CYREN: variants seen among roughly 807,000 people sequenced by gnomAD.
CYREN encodes the protein cell cycle regulator of non-homologous end joining.
In CYREN, 7 loss-of-function variants were observed where a neutral mutation model predicts 9.7. The observed-to-expected ratio is 0.72, with a 90% confidence interval of 0.41 to 1.36. The LOEUF is 1.36. CYREN is among the 40% of genes most tolerant of loss of function. The pLI, the probability that CYREN is intolerant of heterozygous loss-of-function variation, is 0.01. For synonymous variants in CYREN, 76 were observed against 77.9 expected, an observed-to-expected ratio of 0.98 and a Z score of 0.13; for missense variants, 215 against 198.1, an observed-to-expected ratio of 1.09 and a Z score of -0.51.
intron 2 of CYREN, chr7:135,168,092 A>T: frequency 2.2e-6 from 1 of 463,144 alleles, no homozygotes; most frequent in Non-Finnish European, 3.9e-6. Context: ...TGAAACACAC[A>T]CATGGATGCA....
At chr7:135,167,443 T>C in intron 3 of CYREN, 2 of 1,256,062 alleles carry the variant, frequency 1.6e-6, no homozygotes, top group Non-Finnish European at 2.0e-6. Flanking sequence ...ACGCTTCATG[T>C]CCCATCCACA....
At chr7:135,148,181 A>G (rs1314541165) in intron 2 of CYREN, 1 of 432,052 alleles carries the variant, frequency 2.3e-6, no homozygotes, top group South Asian at 1.6e-5. Context: ...GACATTAGAA[A>G]GCCAGCGAGA....
downstream of CYREN, chr7:135,092,342 C>T (rs1446202231): frequency 6.6e-6 from 1 of 152,152 alleles, no homozygotes; most frequent in Non-Finnish European, 1.5e-5. Context: ...AATATAGCTA[C>T]ATAAAATTTT....
intron 2 of CYREN, among the ~76,000 whole-genome samples, chr7:135,147,134 G>C (rs1471970539): frequency 6.6e-6 from 1 of 152,042 alleles, no homozygotes; most frequent in African/African-American, 2.4e-5. Flanking sequence ...CCAGTCCCCA[G>C]AGCAACCATG....
chr7:135,133,597 C>A (rs1268764427), intron 2 of CYREN, among the ~76,000 whole-genome samples: 1 of 152,080 alleles, frequency 6.6e-6, no homozygotes, highest in Admixed American at 6.6e-5. Flanking sequence ...GGAACTGAGG[C>A]AAAAACCAAG....
At chr7:135,114,517 TC>T (rs11300885) in intron 2 of CYREN, among the ~76,000 whole-genome samples, 144,930 of 152,186 alleles carry the variant, frequency 0.95, 69,350 homozygotes, top group Non-Finnish European at 1. Context: ...CTTCCCAGTC[TC>T]CCCCATGTCC....
At chr7:135,122,319 T>C (rs916604642) in intron 2 of CYREN, among the ~76,000 whole-genome samples, 3 of 152,134 alleles carry the variant, frequency 2.0e-5, no homozygotes, top group Admixed American at 1.3e-4. Context: ...TCCTTCCTCA[T>C]TGGGTGGGGC....
intron 2 of CYREN, among the ~76,000 whole-genome samples, chr7:135,130,269 GC>G (rs1358517867): frequency 1.3e-5 from 2 of 152,158 alleles, no homozygotes; most frequent in Non-Finnish European, 2.9e-5. Context: ...ATTTTGACCT[GC>G]TTTTCAGAAT....
At chr7:135,152,397 T>C (rs989404259) in intron 2 of CYREN, among the ~76,000 whole-genome samples, 21 of 152,244 alleles carry the variant, frequency 1.4e-4, no homozygotes, top group African/African-American at 4.8e-4. Flanking sequence ...TAGATCCTCA[T>C]GGTGATTAAC....
intron 2 of CYREN, among the ~76,000 whole-genome samples, chr7:135,114,297 T>G (rs1450957597): frequency 2.0e-5 from 3 of 152,194 alleles, no homozygotes; most frequent in Non-Finnish European, 4.4e-5. Context: ...TGTTGTACCA[T>G]TTTACATTCT....
intron 2 of CYREN, chr7:135,129,311 TC>T: frequency 7.1e-7 from 1 of 1,417,790 alleles, no homozygotes; most frequent in Non-Finnish European, 1.0e-6. Flanking sequence ...ATGGGGTCTC[TC>T]CATGTAAGGT....
intron 2 of CYREN, among the ~76,000 whole-genome samples, chr7:135,132,217 T>C (rs934698469): frequency 2.7e-4 from 41 of 152,062 alleles, no homozygotes; most frequent in African/African-American, 9.7e-4. Context: ...AAAAAGGAAA[T>C]GACAGAATAA....
downstream of CYREN, chr7:135,164,464 G>C (rs547183525): frequency 3.8e-6 from 6 of 1,599,284 alleles, no homozygotes; most frequent in Non-Finnish European, 5.1e-6. Context: ...AGGCCTCGGT[G>C]GCGCGACCAG....
At chr7:135,097,529 A>G (rs1371352097) in intron 2 of CYREN, among the ~76,000 whole-genome samples, 3 of 152,158 alleles carry the variant, frequency 2.0e-5, no homozygotes, top group Non-Finnish European at 4.4e-5. Context: ...AAATTTTGGC[A>G]TGTTTCATTC....
chr7:135,147,937 A>C (rs1436191420), intron 2 of CYREN: 1 of 455,636 alleles, frequency 2.2e-6, no homozygotes, highest in Non-Finnish European at 4.4e-6. Context: ...GTGTAGGTAA[A>C]GAGTATGTCA....
intron 2 of CYREN, among the ~76,000 whole-genome samples, chr7:135,143,667 G>A (rs180759183): frequency 1.3e-4 from 20 of 152,012 alleles, no homozygotes; most frequent in Admixed American, 3.3e-4. Flanking sequence ...AAAAAAAATG[G>A]GCAGAGATCC....
chr7:135,128,318 A>AAAAAAAAAAAAAAAAAAAAAC, intron 2 of CYREN: 1 of 169,894 alleles, frequency 5.9e-6, no homozygotes, highest in Non-Finnish European at 1.2e-5. Context: ...AAAAAAAAAA[A>AAAAAAAAAAAAAAAAAAAAAC]ACGAAAAAAA....
At chr7:135,128,944 A>G in intron 2 of CYREN, 1 of 1,569,756 alleles carries the variant, frequency 6.4e-7, no homozygotes, top group African/African-American at 1.3e-5. Flanking sequence ...TGTTTCTGTA[A>G]GAAGCTGGGT....
At chr7:135,160,221 T>C (rs1829894481) in intron 2 of CYREN, among the ~76,000 whole-genome samples, 1 of 152,228 alleles carries the variant, frequency 6.6e-6, no homozygotes, top group Admixed American at 6.5e-5. Flanking sequence ...GTCTTTTCTC[T>C]GCACTTTCAT....
Sources: gnomAD v4.1 joint callset for allele counts (sites outside exome capture counted in the v4.1 genomes callset) on GRCh38, gnomAD v4.1.1 for gene constraint, MANE v1.5 for transcripts, NCBI Gene and HGNC (gene_info 2026-07-23, HGNC 2026-07-21) for gene names.